ALG13: variants seen among roughly 807,000 people sequenced by gnomAD.
ALG13 encodes the protein ALG13 UDP-N-acetylglucosaminyltransferase subunit, also known as UDP-N-acetylglucosamine transferase subunit ALG13.
A neutral mutation model predicts 87.8 loss-of-function variants in ALG13; 11 were observed. The observed-to-expected ratio is 0.13, with a 90% confidence interval of 0.08 to 0.21. ALG13 has a LOEUF of 0.21. Among genes scored for constraint, ALG13 ranks in the 10% least tolerant of loss-of-function variants. ALG13 has a pLI of 1.00. For synonymous variants in ALG13, 320 were observed against 306.3 expected, an observed-to-expected ratio of 1.04 and a Z score of -0.47; for missense variants, 756 against 866.1, an observed-to-expected ratio of 0.87 and a Z score of 1.60.
intron 18 of ALG13, 117 bp from the exon 19 acceptor site, chrX:111,728,068 A>G: frequency 2.2e-6 from 2 of 926,098 alleles, no homozygotes; most frequent in Non-Finnish European, 3.1e-6. Flanking sequence ...GAGTTCTCTT[A>G]CAATAGCAGT....
intron 5 of ALG13, among the ~76,000 whole-genome samples, chrX:111,709,551 CTT>C (rs1344637402): frequency 8.9e-6 from 1 of 111,810 alleles, no homozygotes; most frequent in Non-Finnish European, 1.9e-5. Context: ...AGTATCTAGT[CTT>C]TCCATGTCAC....
intron 2 of ALG13, among the ~76,000 whole-genome samples, chrX:111,683,345 T>C (rs1401127847): frequency 9.8e-6 from 1 of 102,134 alleles, no homozygotes; most frequent in Non-Finnish European, 2.0e-5. Flanking sequence ...TTTTTTTTTT[T>C]CTGGGACGGA....
intron 3 of ALG13, among the ~76,000 whole-genome samples, chrX:111,698,300 T>C (rs1212521809): frequency 8.9e-6 from 1 of 112,152 alleles, no homozygotes; most frequent in Non-Finnish European, 1.9e-5. Flanking sequence ...TGTTTTGCTA[T>C]TTGTGTACAA....
chrX:111,685,736 T>A (rs918700651), intron 3 of ALG13, among the ~76,000 whole-genome samples: 2 of 111,839 alleles, frequency 1.8e-5, no homozygotes, highest in Non-Finnish European at 3.8e-5. Flanking sequence ...GAAGACTGAT[T>A]AGAATTGTCA....
intron 3 of ALG13, among the ~76,000 whole-genome samples, chrX:111,707,533 C>T (rs1163496478): frequency 9.0e-6 from 1 of 111,493 alleles, no homozygotes; most frequent in African/African-American, 3.3e-5. Flanking sequence ...TGAACTGTGC[C>T]CTCTGCCGCT....
chrX:111,709,110 G>C, intron 5 of ALG13, 62 bp downstream of exon 5: 6 of 666,015 alleles, frequency 9.0e-6, no homozygotes, highest in Admixed American at 7.2e-5. Context: ...AAAAATAATT[G>C]TGAGCACCTA....
intron 21 of ALG13, among the ~76,000 whole-genome samples, 154 bp downstream of exon 21, chrX:111,730,734 G>A (rs917561171): frequency 1.8e-5 from 2 of 112,030 alleles, no homozygotes; most frequent in Non-Finnish European, 3.8e-5. Context: ...AAATTAACTC[G>A]TGTTCTGGAA....
At chrX:111,692,786 G>A (rs1483516080) in intron 3 of ALG13, among the ~76,000 whole-genome samples, 1 of 111,237 alleles carries the variant, frequency 9.0e-6, no homozygotes, top group Non-Finnish European at 1.9e-5. Flanking sequence ...GAAAGGTTTA[G>A]GATATTACCA....
chrX:111,748,051 A>G (rs1225824282), intron 24 of ALG13, among the ~76,000 whole-genome samples: 1 of 112,129 alleles, frequency 8.9e-6, no homozygotes, highest in African/African-American at 3.2e-5. Flanking sequence ...ATGAAATCCG[A>G]CGTAGAGCAT....
chrX:111,749,910 A>T (rs1944564631), intron 24 of ALG13, among the ~76,000 whole-genome samples: 2 of 111,468 alleles, frequency 1.8e-5, no homozygotes, highest in African/African-American at 6.5e-5. Context: ...TTGTCCCTGA[A>T]CAGTTAGAGT....
At chrX:111,684,354 C>T (rs1383826068) in intron 2 of ALG13, among the ~76,000 whole-genome samples, 1 of 109,605 alleles carries the variant, frequency 9.1e-6, no homozygotes, top group Non-Finnish European at 1.9e-5. Flanking sequence ...TGAGTTCTCA[C>T]TCTGTCACCC....
chrX:111,691,502 T>C (rs772908397), intron 3 of ALG13, among the ~76,000 whole-genome samples: 26 of 112,575 alleles, frequency 2.3e-4, no homozygotes, highest in African/African-American at 8.4e-4. Flanking sequence ...TTTACACATA[T>C]ATACTCATTT....
chrX:111,719,240 T>C (rs1941085157), intron 10 of ALG13, among the ~76,000 whole-genome samples: 1 of 110,398 alleles, frequency 9.1e-6, no homozygotes, highest in Non-Finnish European at 1.9e-5. Flanking sequence ...TTAGCCAGGA[T>C]GATCTTGGTC....
At chrX:111,708,512 C>T (rs1469358005) in intron 4 of ALG13, 119 bp downstream of exon 4, 7 of 889,732 alleles carry the variant, frequency 7.9e-6, no homozygotes, top group Non-Finnish European at 9.4e-6. Context: ...AACATCGGGC[C>T]TGTCAAGGTC....
At position 111,686,595 on chromosome X, in the gene ALG13, A is replaced by T. The variant is rs763092052; in HGVS notation, c.383+1492A>T. Among the ~76,000 whole-genome samples, 6 of 112,188 alleles carry T rather than the reference A, an allele frequency of 5.3e-5. No individual in the cohort carries two copies. In the East Asian group the frequency reaches 1.7e-3, roughly 32 times the overall value. ...GAGGGAATGTCAGGGTGGCTGTGTA[A>T]CATAGAAGCCAGTCTTGAACTATTT... On this transcript the variant is annotated intron_variant, in intron 3 of 26. Coordinates refer to ENST00000394780, the MANE Select transcript of ALG13 (RefSeq NM_001099922.3).
At chrX:111,745,561 C>A in intron 24 of ALG13, among the ~76,000 whole-genome samples, 1 of 110,290 alleles carries the variant, frequency 9.1e-6, no homozygotes, top group East Asian at 2.8e-4. Flanking sequence ...CCCCTAATCA[C>A]CAAGATTTTC....
At chrX:111,725,686 T>G (rs1384242399) in intron 15 of ALG13, among the ~76,000 whole-genome samples, 2 of 111,785 alleles carry the variant, frequency 1.8e-5, no homozygotes, top group Non-Finnish European at 3.8e-5. Context: ...TCATTATACA[T>G]TGTATGCTTG....
intron 11 of ALG13, 37 bp from the exon 12 acceptor site, chrX:111,721,566 G>A (rs760540959): frequency 1.2e-6 from 1 of 827,212 alleles, no homozygotes; most frequent in Admixed American, 2.4e-5. Context: ...GGAAGACTAA[G>A]GATTGTGAGT....
Position 111,690,117 on chromosome X carries a change from A to G in ALG13, c.383+5014A>G, listed in dbSNP as rs1320462008. 3 of 749,591 alleles carry G rather than the reference A, an allele frequency of 4.0e-6. No individual in the cohort carries two copies. The East Asian group carries it at 4.5e-4, about 114-fold the overall frequency. The allele number at this position is 749,591 out of a possible 1,213,427, so 61.8% of individuals were successfully genotyped here. On this transcript the variant is annotated intron_variant, in intron 3 of 26. Coordinates refer to ENST00000394780, the MANE Select transcript of ALG13 (RefSeq NM_001099922.3). ...AGTTTTACAGATGAGGAAACATGCT[A>G]AATTAATCACCACATTTACATCTTA...
Sources: gnomAD v4.1 joint callset for allele counts (sites outside exome capture counted in the v4.1 genomes callset) on GRCh38, gnomAD v4.1.1 for gene constraint, MANE v1.5 for transcripts, NCBI Gene and HGNC (gene_info 2026-07-23, HGNC 2026-07-21) for gene names.